The following SNX7 variants were observed in gnomAD, a reference collection of about 807,000 sequenced individuals.
SNX7 encodes sorting nexin 7.
SNX7 carries 35 observed loss-of-function variants against 48.4 expected under a neutral mutation model. The ratio of observed to expected loss-of-function variants is 0.72; its 90% CI spans 0.55 to 0.96. SNX7 has a LOEUF of 0.96. Ranked by LOEUF, SNX7 falls within the 40% of genes least tolerant of loss-of-function variation. The pLI is 0.00. For synonymous variants in SNX7, 190 were observed against 190.2 expected, an observed-to-expected ratio of 1.00 and a Z score of 0.01; for missense variants, 553 against 548.9, an observed-to-expected ratio of 1.01 and a Z score of -0.07.
chr1:98,679,717 A>G (rs540526193), intron 1 of SNX7, among the ~76,000 whole-genome samples: 86 of 152,314 alleles, frequency 5.6e-4, no homozygotes, highest in African/African-American at 2.0e-3. Flanking sequence ...TAAAACTCCA[A>G]AATGATCTCC....
intron 4 of SNX7, among the ~76,000 whole-genome samples, chr1:98,691,937 ACT>A (rs59743636): frequency 0.035 from 4,594 of 131,024 alleles, 328 homozygotes; most frequent in East Asian, 0.34. Context: ...ACACACACAC[ACT>A]CTCTCTCTCT....
chr1:98,665,195 A>G (rs1045083815), intron 1 of SNX7, among the ~76,000 whole-genome samples: 2 of 152,214 alleles, frequency 1.3e-5, no homozygotes, highest in Non-Finnish European at 2.9e-5. Flanking sequence ...CGGGATCATA[A>G]AAGTGAGATA....
upstream of SNX7, chr1:98,661,617 A>C: frequency 1.0e-6 from 1 of 957,482 alleles, no homozygotes; most frequent in Non-Finnish European, 1.3e-6. Flanking sequence ...GCAGCGGGCG[A>C]GGGGCTGGAG....
At chr1:98,672,649 G>C (rs1329746522) in intron 1 of SNX7, among the ~76,000 whole-genome samples, 1 of 151,898 alleles carries the variant, frequency 6.6e-6, no homozygotes, top group African/African-American at 2.4e-5. Context: ...AAGTGGCCGG[G>C]CGCGGTGGCT....
At chr1:98,690,159 TG>T (rs1651035010) in intron 2 of SNX7, among the ~76,000 whole-genome samples, 1 of 152,162 alleles carries the variant, frequency 6.6e-6, no homozygotes, top group South Asian at 2.1e-4. Context: ...ATATGCAATG[TG>T]TTATTCCATG....
intron 1 of SNX7, among the ~76,000 whole-genome samples, chr1:98,670,202 C>T (rs1196884325): frequency 6.6e-6 from 1 of 151,838 alleles, no homozygotes; most frequent in African/African-American, 2.4e-5. Context: ...ACAAAATCTC[C>T]CATTTAGATT....
intron 8 of SNX7, among the ~76,000 whole-genome samples, chr1:98,742,742 T>C (rs1391843131): frequency 6.6e-6 from 1 of 152,034 alleles, no homozygotes; most frequent in Non-Finnish European, 1.5e-5. Context: ...GAGTGGTTCA[T>C]TTAAATATAA....
intron 7 of SNX7, among the ~76,000 whole-genome samples, chr1:98,718,564 AT>A (rs1304132382): frequency 6.6e-6 from 1 of 152,156 alleles, no homozygotes; most frequent in Non-Finnish European, 1.5e-5. Flanking sequence ...GCTTATAAAA[AT>A]AACCCCAAAT....
rs576513295 is a variant in SNX7 at position 98,682,444 on chromosome 1, G to A, written c.181-2441G>A. Among the ~76,000 whole-genome samples the A allele has an allele frequency of 2.0e-5, 3 of 152,174 alleles. No individual in the cohort carries two copies. The South Asian group carries it at 6.2e-4, about 32-fold the overall frequency. ...TCTCTTATTTTGGAGAAGTAAAGAAGCTTCCAAAGAATAGGTACATGGGAA... is the reference window on the plus strand; with the variant it reads ...TCTCTTATTTTGGAGAAGTAAAGAAACTTCCAAAGAATAGGTACATGGGAA... On this transcript the variant is annotated intron_variant, in intron 1 of 8. Coordinates refer to ENST00000306121, the MANE Select transcript of SNX7 (RefSeq NM_015976.5).
chr1:98,679,700 C>G (rs1650372336), intron 1 of SNX7, among the ~76,000 whole-genome samples: 1 of 152,142 alleles, frequency 6.6e-6, no homozygotes. Context: ...GTGGGGTAGT[C>G]AAATCTTAAA....
intron 1 of SNX7, among the ~76,000 whole-genome samples, chr1:98,675,604 G>C (rs541680536): frequency 2.6e-5 from 4 of 152,264 alleles, no homozygotes; most frequent in Admixed American, 2.6e-4. Context: ...TGGTGAGTTG[G>C]GAGGATGAGC....
At chr1:98,749,614 G>A (rs1442955445) in intron 8 of SNX7, among the ~76,000 whole-genome samples, 1 of 151,958 alleles carries the variant, frequency 6.6e-6, no homozygotes, top group African/African-American at 2.4e-5. Context: ...AATAGAAGTT[G>A]TTTTTCTCTG....
chr1:98,720,179 T>G (rs1652791405), intron 7 of SNX7, among the ~76,000 whole-genome samples: 1 of 151,866 alleles, frequency 6.6e-6, no homozygotes, highest in African/African-American at 2.4e-5. Context: ...CCCCACTCTT[T>G]GTTCCTCTTG....
At chr1:98,725,796 T>C (rs1274193977) in intron 7 of SNX7, among the ~76,000 whole-genome samples, 3 of 152,232 alleles carry the variant, frequency 2.0e-5, no homozygotes, top group African/African-American at 7.2e-5. Flanking sequence ...CGTGGCAACC[T>C]AAGTTTCTAA....
intron 1 of SNX7, among the ~76,000 whole-genome samples, chr1:98,663,492 A>G (rs1234981124): frequency 6.6e-6 from 1 of 152,032 alleles, no homozygotes; most frequent in Non-Finnish European, 1.5e-5. Flanking sequence ...GGCAGATCCA[A>G]GGTGAAGCTA....
chr1:98,676,311 C>A (rs576746518), intron 1 of SNX7, among the ~76,000 whole-genome samples: 1 of 152,188 alleles, frequency 6.6e-6, no homozygotes, highest in Non-Finnish European at 1.5e-5. Flanking sequence ...ATTATACCCT[C>A]CCATAGAGAT....
intron 7 of SNX7, among the ~76,000 whole-genome samples, chr1:98,715,656 C>G (rs961616978): frequency 6.6e-6 from 1 of 152,148 alleles, no homozygotes; most frequent in Non-Finnish European, 1.5e-5. Flanking sequence ...AAGCTGGCTT[C>G]TATGCCCTTT....
At chr1:98,677,877 CAAAA>C (rs11346156) in intron 1 of SNX7, among the ~76,000 whole-genome samples, 9 of 116,544 alleles carry the variant, frequency 7.7e-5, no homozygotes, top group Non-Finnish European at 7.3e-5. Flanking sequence ...GACGCTGTCT[CAAAA>C]AAAAAAAAAA....
At chr1:98,686,209 T>C (rs568888568) in intron 2 of SNX7, among the ~76,000 whole-genome samples, 15 of 152,286 alleles carry the variant, frequency 9.8e-5, no homozygotes, top group African/African-American at 3.6e-4. Context: ...CTGGCTGAAA[T>C]AGTTATTCTT....
Sources: gnomAD v4.1 joint callset for allele counts (sites outside exome capture counted in the v4.1 genomes callset) on GRCh38, gnomAD v4.1.1 for gene constraint, MANE v1.5 for transcripts, NCBI Gene and HGNC (gene_info 2026-07-23, HGNC 2026-07-21) for gene names.